PSD2: variants seen among roughly 807,000 people sequenced by gnomAD.
The protein encoded by PSD2 is pleckstrin and Sec7 domain containing 2, also known as PH and SEC7 domain-containing protein 2.
A neutral mutation model predicts 69.8 loss-of-function variants in PSD2; 38 were observed. The observed-to-expected ratio is 0.54, with a 90% CI of 0.42 to 0.71. The LOEUF (loss-of-function observed/expected upper bound fraction) is 0.71, where lower values mean the gene tolerates loss of function less well. Among genes scored for constraint, PSD2 ranks in the 30% least tolerant of loss-of-function variants. The probability of loss-of-function intolerance (pLI) is 0.00; values close to 1 mark genes in which losing one functional copy is unlikely to be tolerated. For missense variants in PSD2, 943 were observed against 1,014.5 expected (o/e 0.93, Z 0.96); for synonymous variants, 412 against 423.0 (o/e 0.97, Z 0.32).
the PSD2 span, among the ~76,000 whole-genome samples, chr5:139,779,838 T>C: frequency 2.0e-5 from 3 of 152,216 alleles, no homozygotes; most frequent in Admixed American, 2.0e-4. Context: ...CTTCGTCCTG[T>C]TGTTGCATGT....
At chr5:139,830,592 T>TTCTTTTTCCTTCTTTCTTTCTC (rs779474791) in intron 7 of PSD2, among the ~76,000 whole-genome samples, 14 of 86,030 alleles carry the variant, frequency 1.6e-4, no homozygotes, top group African/African-American at 5.3e-4. Context: ...CTTTCTTTCT[T>TTCTTTTTCCTTCTTTCTTTCTC]TTTCTTTCTT....
intron 14 of PSD2, among the ~76,000 whole-genome samples, chr5:139,841,603 A>C (rs1189377221): frequency 6.6e-6 from 1 of 152,244 alleles, no homozygotes; most frequent in African/African-American, 2.4e-5. Context: ...TTTCCATAAC[A>C]GCTGCTCCAT....
chr5:139,813,498 G>A lies in PSD2; in HGVS notation c.561G>A (p.Arg187=), dbSNP rs764361763. Residue 187 remains arginine, a synonymous_variant, in exon 3 of 15, where the codon CGG becomes CGA. Coordinates refer to ENST00000274710, the MANE Select transcript of PSD2 (RefSeq NM_032289.4). ...EAPLTPLIQQ[R]ARDSPEPGAG... ...CCCTCACACCCCTCATCCAGCAGCG[G>A]GCCCGTGACAGCCCTGAGCCAGGGG... The A allele has an allele frequency of 2.5e-6, 4 of 1,613,026 alleles. No individual in the cohort carries two copies. In the East Asian group the frequency reaches 8.9e-5, roughly 36 times the overall value.
At chr5:139,766,930 C>CTTTCTTTCTTTCTTTCT in the PSD2 span, among the ~76,000 whole-genome samples, 4 of 44,046 alleles carry the variant, frequency 9.1e-5, no homozygotes, top group Admixed American at 2.7e-4. Flanking sequence ...CCTTCCTTCC[C>CTTTCTTTCTTTCTTTCT]TTCTTTCTTT....
the PSD2 span, among the ~76,000 whole-genome samples, chr5:139,762,441 A>G: frequency 4.6e-5 from 7 of 152,146 alleles, no homozygotes; most frequent in Admixed American, 1.3e-4. Context: ...CTGGGGCTCA[A>G]ACGATCCTCC....
chr5:139,755,144 C>G, the PSD2 span, among the ~76,000 whole-genome samples: 1 of 152,228 alleles, frequency 6.6e-6, no homozygotes, highest in East Asian at 1.9e-4. Flanking sequence ...GGATTTGAGG[C>G]AGCGCCACCC....
In PSD2 at chr5:139,837,654, G is replaced by A. The variant is rs753715310; in HGVS notation, c.1695G>A (p.Ser565=). The A allele has an allele frequency of 1.6e-5, 26 of 1,613,418 alleles. No individual in the cohort carries two copies. The highest frequency in any genetic ancestry group is 4.0e-5 in the African/African-American group (3 of 74,922). The change falls in exon 12 of 15, where the codon TCG becomes TCA. Residue 565 remains serine, a synonymous_variant. Transcript: ENST00000274710. This position sits in a 1 kb window ranked among gnomAD's most constrained non-coding sequence, Gnocchi z 5.0. ...KDEYRPDKAL[S]EGDLKNAIRV... Reference sequence around the variant, plus strand: ...AGTACAGGCCTGACAAAGCTCTATCGGAGGGTGACCTGAAGAACGCCATTC... The same window carrying A: ...AGTACAGGCCTGACAAAGCTCTATCAGAGGGTGACCTGAAGAACGCCATTC...
At chr5:139,838,834 T>G in intron 13 of PSD2, 62 bp downstream of exon 13, 1 of 1,554,124 alleles carries the variant, frequency 6.4e-7, no homozygotes, top group South Asian at 1.2e-5. Flanking sequence ...CAGGCCCCCA[T>G]CCAGCAGCCC....
upstream of PSD2, among the ~76,000 whole-genome samples, chr5:139,791,839 G>A (rs774279000): frequency 6.6e-6 from 1 of 152,196 alleles, no homozygotes; most frequent in Non-Finnish European, 1.5e-5. Context: ...TCAGTGGACT[G>A]TACAGGGAGA....
At chr5:139,804,651 T>C (rs1029027964) in intron 1 of PSD2, among the ~76,000 whole-genome samples, 1 of 152,194 alleles carries the variant, frequency 6.6e-6, no homozygotes, top group Non-Finnish European at 1.5e-5. Context: ...GGGTCAGCTG[T>C]GGTCTCAGCC....
the PSD2 span, among the ~76,000 whole-genome samples, chr5:139,777,459 G>T: frequency 2.0e-5 from 3 of 152,198 alleles, no homozygotes; most frequent in African/African-American, 7.2e-5. Flanking sequence ...GGCAACGTCT[G>T]TCTAACTTAG....
chr5:139,833,417 G>T (rs555732252), intron 7 of PSD2, among the ~76,000 whole-genome samples: 1 of 152,222 alleles, frequency 6.6e-6, no homozygotes, highest in South Asian at 2.1e-4. Context: ...CTGGAACATA[G>T]TAGGCACCTG....
intron 13 of PSD2, 44 bp downstream of exon 13, chr5:139,838,816 C>A: frequency 6.3e-7 from 1 of 1,591,050 alleles, no homozygotes; most frequent in African/African-American, 1.3e-5. Context: ...AGGCTGCCAT[C>A]CTCAGCCCAG....
Position 139,813,544 on chromosome 5 carries a change from A to G in PSD2, c.607A>G (p.Met203Val), listed in dbSNP as rs774296518. Residue 203 changes from methionine to valine, a missense_variant, in exon 3 of 15, where the codon ATG becomes GTG. Coordinates refer to ENST00000274710, the MANE Select transcript of PSD2 (RefSeq NM_032289.4). ...EPGAGLGIGDMAFEGDMGAAG... is the reference protein window; with the variant it reads ...EPGAGLGIGDVAFEGDMGAAG... ...AGGGGCTGGGTTGGGCATTGGGGACATGGCGTTTGAGGGGGACATGGGGGC... is the reference window on the plus strand; with the variant it reads ...AGGGGCTGGGTTGGGCATTGGGGACGTGGCGTTTGAGGGGGACATGGGGGC... 1.1e-5 allele frequency: 17 copies of G among 1,610,230 alleles called. No homozygotes were observed. Among genetic ancestry groups the G allele is most frequent in the South Asian group, 9.9e-5 (9 of 90,924 alleles).
chr5:139,809,764 C>T lies in PSD2; in HGVS notation c.324C>T (p.Asp108=), dbSNP rs1399953131. 5.6e-6 allele frequency: 9 copies of T among 1,614,068 alleles called. No individual in the cohort carries two copies. The highest frequency in any genetic ancestry group is 6.8e-6 in the Non-Finnish European group (8 of 1,180,020). Reference sequence around the variant, plus strand: ...GGGCTGGCGTGCTGGCAGAGGGGGACAATGCTTCCAGGAGCCTCTACCCAG... The same window carrying T: ...GGGCTGGCGTGCTGGCAGAGGGGGATAATGCTTCCAGGAGCCTCTACCCAG... The part of the protein sequence containing the change: ...PWRAGVLAEG[D]NASRSLYPDA... Residue 108 remains aspartate (D), a synonymous_variant, in exon 2 of 15, where the codon GAC becomes GAT. Coordinates refer to ENST00000274710, the MANE Select transcript of PSD2 (RefSeq NM_032289.4).
At chr5:139,788,995 A>G in the PSD2 span, among the ~76,000 whole-genome samples, 1 of 152,090 alleles carries the variant, frequency 6.6e-6, no homozygotes, top group African/African-American at 2.4e-5. Flanking sequence ...CTAACATGGG[A>G]GTGGTGGGTC....
chr5:139,829,594 T>C (rs1760518306), intron 7 of PSD2, among the ~76,000 whole-genome samples: 1 of 152,246 alleles, frequency 6.6e-6, no homozygotes, highest in Non-Finnish European at 1.5e-5. Flanking sequence ...ACACAATATG[T>C]GGCCTGTTGT....
chr5:139,790,050 C>T, the PSD2 span, among the ~76,000 whole-genome samples: 2 of 151,860 alleles, frequency 1.3e-5, no homozygotes, highest in African/African-American at 2.4e-5. Flanking sequence ...GGGAGGGGAC[C>T]GGTGTGTCTG....
the PSD2 span, among the ~76,000 whole-genome samples, chr5:139,760,912 C>T: frequency 6.6e-6 from 1 of 152,174 alleles, no homozygotes; most frequent in East Asian, 1.9e-4. Context: ...CCAACAGCAG[C>T]CTGCCCCGGG....
Sources: allele counts gnomAD v4.1 joint callset (sites outside exome capture counted in the v4.1 genomes callset), GRCh38; gene constraint gnomAD v4.1.1; non-coding constraint Gnocchi (gnomAD v3.1); transcripts MANE v1.5; gene names NCBI Gene and HGNC (gene_info 2026-07-23, HGNC 2026-07-21).